Variants in PACS2 observed in about 807,000 individuals in gnomAD.
The protein encoded by PACS2 is PACS1-like protein.
Under a neutral mutation model 113.0 loss-of-function variants are expected in PACS2, and 36 were observed. That is an observed-to-expected ratio of 0.32 (90% CI 0.24 to 0.42). The LOEUF (loss-of-function observed/expected upper bound fraction) is 0.42. Among genes scored for constraint, PACS2 ranks in the 10% least tolerant of loss-of-function variants. PACS2 has a pLI of 1.00. For missense variants in PACS2, 1,015 were observed against 1,239.5 expected (o/e 0.82, Z 2.72); for synonymous variants, 589 against 536.1 (o/e 1.10, Z -1.36).
chr14:105,378,295 G>A (rs1300106448), intron 9 of PACS2, among the ~76,000 whole-genome samples: 4 of 152,200 alleles, frequency 2.6e-5, no homozygotes, highest in East Asian at 3.9e-4. Flanking sequence ...AGGCGTGTGC[G>A]TCTCGGGGCT....
In PACS2 at chr14:105,317,484, A is replaced by T. The variant is rs926027519; in HGVS notation, c.119+2447A>T. On this transcript the variant is annotated intron_variant, in intron 1 of 24. Transcript: ENST00000447393. This position sits in a 1 kb window ranked among gnomAD's most constrained non-coding sequence, Gnocchi z 4.2. The stretch of plus-strand genomic sequence containing the variant: ...TCCCCACTGCTCCACATTTGTGCCA[A>T]CACTCATTTGACTTAATTTTTGCCA... Among the ~76,000 whole-genome samples the T allele has an allele frequency of 9.9e-5, 15 of 152,162 alleles. No individual in the cohort carries two copies. Among genetic ancestry groups the T allele is most frequent in the Admixed American group, 2.0e-4 (3 of 15,276 alleles).
At position 105,317,433 on chromosome 14, in the gene PACS2, C is replaced by T. The variant is rs936819496; in HGVS notation, c.119+2396C>T. Among the ~76,000 whole-genome samples, 2 of 152,158 alleles carry T rather than the reference C, an allele frequency of 1.3e-5. No individual in the cohort carries two copies. The highest frequency in any genetic ancestry group is 2.9e-5 in the Non-Finnish European group (2 of 68,030). The stretch of plus-strand genomic sequence containing the variant: ...GTTTTCCAGAGTGGTTGTGCCTGCT[C>T]CGGCCCCCACTGACAGGGACGAGAG... On this transcript the variant is annotated intron_variant, in intron 1 of 24. Transcript: ENST00000447393. The surrounding 1 kb of genome is among the most constrained non-coding windows in gnomAD (Gnocchi z 4.2).
At position 105,365,906 on chromosome 14, in the gene PACS2, G is replaced by A. The variant is rs921740246; in HGVS notation, c.424-1307G>A. Among the ~76,000 whole-genome samples, 5 of 152,384 alleles carry A rather than the reference G, an allele frequency of 3.3e-5. No individual in the cohort carries two copies. The highest frequency in any genetic ancestry group is 7.3e-5 in the Non-Finnish European group (5 of 68,042). ...CCCGGCGAGTTGTGGGCACGAGGGC[G>A]TCAGCAGTGGGTGCGAGTGTTGGCA... On this transcript the variant is annotated intron_variant, in intron 4 of 24. Coordinates refer to ENST00000447393, the MANE Select transcript of PACS2 (RefSeq NM_001100913.3). This position sits in a 1 kb window ranked among gnomAD's most constrained non-coding sequence, Gnocchi z 5.1.
intron 6 of PACS2, 78 bp from the exon 7 acceptor site, chr14:105,368,381 G>A (rs782542116): frequency 4.0e-5 from 46 of 1,140,092 alleles, no homozygotes; most frequent in Non-Finnish European, 5.2e-5. Flanking sequence ...CTCTCCCATC[G>A]CCCACGCTGA....
chr14:105,349,501 T>C (rs1006597552), intron 2 of PACS2, among the ~76,000 whole-genome samples: 1 of 152,238 alleles, frequency 6.6e-6, no homozygotes, highest in Admixed American at 6.5e-5. Context: ...TGACACCTGC[T>C]GTGGCTCTGA....
chr14:105,330,960 C>CT lies in PACS2; in HGVS notation c.119+15923_119+15924insT, dbSNP rs2059286292. Among the ~76,000 whole-genome samples, 1 of 150,228 alleles carries CT rather than the reference C, an allele frequency of 6.7e-6. No individual in the cohort carries two copies. The highest frequency in any genetic ancestry group is 2.5e-5 in the African/African-American group (1 of 40,536). On this transcript the variant is annotated intron_variant, in intron 1 of 24. Coordinates refer to ENST00000447393, the MANE Select transcript of PACS2 (RefSeq NM_001100913.3). The surrounding 1 kb of genome is among the most constrained non-coding windows in gnomAD (Gnocchi z 6.9). ...CGGCTTTGTTGGATGCTGGGGTTGG[C>CT]ATTTTTTTTTTTTTTGAGACAGAGT...
intron 15 of PACS2, 105 bp from the exon 16 acceptor site, chr14:105,383,254 G>T (rs782624371): frequency 1.5e-6 from 2 of 1,340,788 alleles, no homozygotes; most frequent in South Asian, 2.3e-5. Flanking sequence ...GGCATGAGCG[G>T]CCACAGGCAC....
intron 8 of PACS2, chr14:105,371,806 CAA>C (rs371603169): frequency 1.3e-5 from 2 of 152,340 alleles, no homozygotes; most frequent in African/African-American, 4.8e-5. Flanking sequence ...AATAAACAAC[CAA>C]AGTGTATTTC....
intron 1 of PACS2, among the ~76,000 whole-genome samples, chr14:105,334,539 G>C (rs953753261): frequency 2.0e-5 from 3 of 151,852 alleles, no homozygotes; most frequent in Non-Finnish European, 2.9e-5. Context: ...AGCTCCACCT[G>C]AGGGCCAGTG....
chr14:105,334,640 G>C (rs1044326777), intron 1 of PACS2, among the ~76,000 whole-genome samples: 7 of 152,152 alleles, frequency 4.6e-5, no homozygotes, highest in Admixed American at 1.3e-4. Context: ...AGGGTCCAGT[G>C]TGTGGGTAGA....
At chr14:105,390,765 C>T in intron 20 of PACS2, 1 of 226,690 alleles carries the variant, frequency 4.4e-6, no homozygotes, top group Non-Finnish European at 8.8e-6. Flanking sequence ...GACAAGAGTA[C>T]ACTGTGCTCG....
chr14:105,391,848 A>G (rs1211249072), intron 22 of PACS2, 82 bp downstream of exon 22: 3 of 1,364,618 alleles, frequency 2.2e-6, no homozygotes, highest in Non-Finnish European at 3.0e-6. Context: ...CCCCTATGTC[A>G]CATCCACCTC....
At chr14:105,342,718 G>A (rs2059780842) in intron 1 of PACS2, among the ~76,000 whole-genome samples, 1 of 151,794 alleles carries the variant, frequency 6.6e-6, no homozygotes, top group Admixed American at 6.6e-5. Context: ...CGGGTCACTT[G>A]AGGTCAGGAG....
At chr14:105,350,911 C>G (rs587632158) in intron 2 of PACS2, among the ~76,000 whole-genome samples, 2 of 152,184 alleles carry the variant, frequency 1.3e-5, no homozygotes, top group South Asian at 4.1e-4. Context: ...AGGAGAGCCG[C>G]GCTGCCTCTT....
intron 12 of PACS2, 48 bp from the exon 13 acceptor site, chr14:105,381,866 T>G: frequency 6.6e-7 from 1 of 1,517,712 alleles, no homozygotes; most frequent in Non-Finnish European, 8.9e-7. Flanking sequence ...CTGCCCCTGT[T>G]CCTGTTCCTG....
At chr14:105,310,663 C>A (rs587643239), upstream of PACS2, among the ~76,000 whole-genome samples, 3 of 151,820 alleles carry the variant, frequency 2.0e-5, no homozygotes, top group Non-Finnish European at 4.4e-5. Flanking sequence ...CAGGACGGGG[C>A]GCAGCCCCAG....
At chr14:105,362,071 G>T (rs1244334962) in intron 4 of PACS2, among the ~76,000 whole-genome samples, 1 of 149,820 alleles carries the variant, frequency 6.7e-6, no homozygotes, top group South Asian at 2.1e-4. Context: ...TGTAGTGAGC[G>T]AGATCGCACC....
Position 105,384,973 on chromosome 14 carries a change from C to G in PACS2, c.1986C>G (p.Thr662=), listed in dbSNP as rs782308206. 6.3e-7 allele frequency: 1 copy of G among 1,580,508 alleles called. No individual in the cohort carries two copies. The highest frequency in any genetic ancestry group is 8.6e-7 in the Non-Finnish European group (1 of 1,161,820). ...HQLPIAEAML[T]YKQKRKKHFH... is the part of the protein sequence containing the mutation. Reference sequence around the variant, plus strand: ...TCCCCATCGCAGAGGCCATGCTGACCTACAAGCAGAAGAGGTAACGCGGTG... The same window carrying G: ...TCCCCATCGCAGAGGCCATGCTGACGTACAAGCAGAAGAGGTAACGCGGTG... The change falls in exon 18 of 25, where the codon ACC becomes ACG. Residue 662 remains threonine (T), a synonymous_variant. Coordinates refer to ENST00000447393, the MANE Select transcript of PACS2 (RefSeq NM_001100913.3).
chr14:105,342,089 G>A (rs1316820827), intron 1 of PACS2, among the ~76,000 whole-genome samples: 2 of 152,246 alleles, frequency 1.3e-5, no homozygotes, highest in African/African-American at 4.8e-5. Flanking sequence ...TGGTGAGGAA[G>A]GGAAATCTTG....
Sources: allele counts gnomAD v4.1 joint callset (sites outside exome capture counted in the v4.1 genomes callset), GRCh38; gene constraint gnomAD v4.1.1; non-coding constraint Gnocchi (gnomAD v3.1); transcripts MANE v1.5; gene names NCBI Gene and HGNC (gene_info 2026-07-23, HGNC 2026-07-21).